VAV2: variants seen among roughly 807,000 people sequenced by gnomAD.
VAV2 encodes vav guanine nucleotide exchange factor 2, also known as guanine nucleotide exchange factor VAV2.
In VAV2, 67 loss-of-function variants were observed where a neutral mutation model predicts 132.5. The observed-to-expected ratio is 0.51, with a 90% CI of 0.42 to 0.62. VAV2 has a LOEUF of 0.62. VAV2 is among the 20% of genes least tolerant of loss of function. The probability of loss-of-function intolerance (pLI) is 0.00; values close to 1 mark genes in which losing one functional copy is unlikely to be tolerated. For missense variants in VAV2, 938 were observed against 1,153.6 expected, an observed-to-expected ratio of 0.81 and a Z score of 2.71; for synonymous variants, 492 against 443.5, an observed-to-expected ratio of 1.11 and a Z score of -1.37.
At chr9:133,842,220 A>C (rs549539826) in intron 3 of VAV2, among the ~76,000 whole-genome samples, 1 of 152,302 alleles carries the variant, frequency 6.6e-6, no homozygotes, top group African/African-American at 2.4e-5. Flanking sequence ...ACAGTCCCTA[A>C]TGCCTCCACT....
chr9:133,976,818 T>G (rs1262678638), intron 1 of VAV2, among the ~76,000 whole-genome samples: 1 of 152,244 alleles, frequency 6.6e-6, no homozygotes, highest in Non-Finnish European at 1.5e-5. Context: ...ATGGACGGAC[T>G]CTGTGTGGAT....
At chr9:133,827,504 G>A (rs149320509) in intron 4 of VAV2, among the ~76,000 whole-genome samples, 1,988 of 5,352 alleles carry the variant, frequency 0.37, 906 homozygotes, top group Non-Finnish European at 0.76. Flanking sequence ...GGCATCGCCA[G>A]CTACTGCTGT....
intron 12 of VAV2, among the ~76,000 whole-genome samples, chr9:133,792,739 C>T (rs1834548099): frequency 6.9e-6 from 1 of 144,280 alleles, no homozygotes. Context: ...CTTCTTCCTC[C>T]ATCCTGCCGG....
chr9:133,934,736 AC>A (rs1840840594), intron 2 of VAV2, among the ~76,000 whole-genome samples: 1 of 152,012 alleles, frequency 6.6e-6, no homozygotes, highest in Non-Finnish European at 1.5e-5. Context: ...AAGCCCTGTC[AC>A]CCCCGTTCCT....
intron 4 of VAV2, among the ~76,000 whole-genome samples, chr9:133,815,534 A>G (rs1835522999): frequency 6.6e-6 from 1 of 152,136 alleles, no homozygotes; most frequent in Non-Finnish European, 1.5e-5. Context: ...TAGAATGTCA[A>G]CGGTGTTGTG....
At position 133,900,766 on chromosome 9, in the gene VAV2, GATTTATTTATTTATTT is replaced by G. The variant is rs10538806; in HGVS notation, c.321+38321_321+38336del. 8.3e-3 allele frequency among the ~76,000 whole-genome samples: 1,211 copies of G among 145,602 alleles called. 16 individuals are homozygous for G. Among genetic ancestry groups the G allele is most frequent in the South Asian group, 0.016 (72 of 4,440 alleles). ...AATTAATCAATCTACCTCCTGTCTT[GATTTATTTATTTATTT>G]ATTTATTTATTTATTTATTTATTTA... is the stretch of plus-strand genomic sequence containing the variant. On this transcript the variant is annotated intron_variant, in intron 2 of 29. Transcript: ENST00000371850.
rs1275362840 is a variant in VAV2, at chr9:133,884,226, G to A, written c.322-22794C>T. Among the ~76,000 whole-genome samples, 5 of 151,908 alleles carry A rather than the reference G, an allele frequency of 3.3e-5. No individual in the cohort carries two copies. The highest frequency in any genetic ancestry group is 4.2e-4 in the South Asian group (2 of 4,816). On this transcript the variant is annotated intron_variant, in intron 2 of 29. Transcript: ENST00000371850. This position sits in a 1 kb window ranked among gnomAD's most constrained non-coding sequence, Gnocchi z 5.3. ...AAAATAAATGGTAACCAACCCCCAC[G>A]TGCACACGTGCAATGAAGCCACCTA...
chr9:133,861,403 C>T lies in VAV2; in HGVS notation c.351G>A (p.Leu117=). The T allele has an allele frequency of 5.6e-6, 9 of 1,613,532 alleles. No homozygotes were observed. The highest frequency in any genetic ancestry group is 7.6e-6 in the Non-Finnish European group (9 of 1,179,842). The stretch of plus-strand genomic sequence containing the variant: ...TCCCTTTGTTCTGCGCGATGCTGTG[C>T]AGGGAGAGCCTCGACACCGCGGAGA... The part of the protein sequence containing the change: ...KVISAVSRLS[L]HSIAQNKGIR... Residue 117 remains leucine, a synonymous_variant, in exon 3 of 30, where the codon CTG becomes CTA. Coordinates refer to ENST00000371850, the MANE Select transcript of VAV2 (RefSeq NM_001134398.2).
At position 133,961,568 on chromosome 9, in the gene VAV2, G is replaced by A. The variant is rs754422517; in HGVS notation, c.205-22349C>T. On this transcript the variant is annotated intron_variant, in intron 1 of 29. Transcript: ENST00000371850. This position sits in a 1 kb window ranked among gnomAD's most constrained non-coding sequence, Gnocchi z 4.1. ...GAACACAGCTGCTTCACCTCTCTGGGGTCTATAATGCCCTCTGACCTCACA... is the reference window on the plus strand; with the variant it reads ...GAACACAGCTGCTTCACCTCTCTGGAGTCTATAATGCCCTCTGACCTCACA... Among the ~76,000 whole-genome samples the A allele has an allele frequency of 6.6e-5, 10 of 152,182 alleles. No homozygotes were observed. The highest frequency in any genetic ancestry group is 1.2e-4 in the Non-Finnish European group (8 of 68,030).
At chr9:133,819,390 A>G (rs1378995920) in intron 4 of VAV2, among the ~76,000 whole-genome samples, 1 of 151,594 alleles carries the variant, frequency 6.6e-6, no homozygotes, top group Non-Finnish European at 1.5e-5. Context: ...TGGAGTTTGC[A>G]GAGAGCCGAG....
Position 133,926,380 on chromosome 9 carries a change from C to A in VAV2, c.321+12723G>T, listed in dbSNP as rs1282499971. On this transcript the variant is annotated intron_variant, in intron 2 of 29. Transcript: ENST00000371850. The surrounding 1 kb of genome is among the most constrained non-coding windows in gnomAD (Gnocchi z 4.3). ...GCATCACTCCCCAGGGCGCCAGCCCCCGGCAGCCCAGCAGGTGCTAAGTTA... is the reference window on the plus strand; with the variant it reads ...GCATCACTCCCCAGGGCGCCAGCCCACGGCAGCCCAGCAGGTGCTAAGTTA... 1 of 152,366 alleles carries A rather than the reference C, an allele frequency of 6.6e-6. No homozygotes were observed. The highest frequency in any genetic ancestry group is 1.5e-5 in the Non-Finnish European group (1 of 68,158). 9.4% of individuals were successfully genotyped at this position (152,366 alleles called of 1,614,324 possible).
Position 133,834,350 on chromosome 9 carries a change from A to G in VAV2, c.381-10T>C, listed in dbSNP as rs746135777. ...CTCTGAGGGAAAAGGCCTGCGGAAG[A>G]GAAGGCGAGAGGGAGGTGAGCAGGT... On this transcript the variant is annotated splice_polypyrimidine_tract_variant and intron_variant, in intron 3 of 29. Coordinates refer to ENST00000371850, the MANE Select transcript of VAV2 (RefSeq NM_001134398.2). This position sits in a 1 kb window ranked among gnomAD's most constrained non-coding sequence, Gnocchi z 5.9. The G allele has an allele frequency of 1.2e-6, 2 of 1,610,524 alleles. No individual in the cohort carries two copies. The highest frequency in any genetic ancestry group is 1.3e-5 in the African/African-American group (1 of 74,872).
At chr9:133,896,816 C>T (rs10993843) in intron 2 of VAV2, among the ~76,000 whole-genome samples, 25,796 of 152,144 alleles carry the variant, frequency 0.17, 2,443 homozygotes, top group African/African-American at 0.24. Context: ...TCCAACCAGG[C>T]GGGTACAGTG....
At chr9:133,764,281 C>T (rs1833363137) in intron 29 of VAV2, among the ~76,000 whole-genome samples, 172 bp from the exon 30 acceptor site, 1 of 151,992 alleles carries the variant, frequency 6.6e-6, no homozygotes, top group Non-Finnish European at 1.5e-5. Context: ...GTAAGAGCAA[C>T]CCAGAAAAAC....
In VAV2 at chr9:133,783,459, G is replaced by C. The variant is rs368801080; in HGVS notation, c.1723+44C>G. 32 of 1,577,824 alleles carry C rather than the reference G, an allele frequency of 2.0e-5. No individual in the cohort carries two copies. In the Admixed American group the frequency reaches 5.1e-4, roughly 25 times the overall value. The stretch of plus-strand genomic sequence containing the variant: ...AGGTGGTAGGGGGCAGAAGTGAGCA[G>C]GCGTGGCCAGGGACTGGGGTGGGGG... On this transcript the variant is annotated intron_variant, in intron 19 of 29. Transcript: ENST00000371850.
At chr9:133,953,066 G>A (rs1224507524) in intron 1 of VAV2, among the ~76,000 whole-genome samples, 1 of 151,014 alleles carries the variant, frequency 6.6e-6, no homozygotes, top group African/African-American at 2.4e-5. Context: ...GAGGGAGCAC[G>A]GCCCCACTGA....
intron 9 of VAV2, among the ~76,000 whole-genome samples, chr9:133,798,447 C>A (rs1432344254): frequency 6.6e-6 from 1 of 152,204 alleles, no homozygotes; most frequent in Non-Finnish European, 1.5e-5. Flanking sequence ...GCCCCAGCAT[C>A]GCTCTCTCCC....
chr9:133,809,764 C>T (rs1835291050), intron 6 of VAV2, among the ~76,000 whole-genome samples: 1 of 152,218 alleles, frequency 6.6e-6, no homozygotes, highest in African/African-American at 2.4e-5. Flanking sequence ...TTAGAGATTG[C>T]CTGGCCCATG....
chr9:133,853,923 G>T (rs10993826), intron 3 of VAV2, among the ~76,000 whole-genome samples: 16,980 of 152,158 alleles, frequency 0.11, 1,111 homozygotes, highest in South Asian at 0.16. Context: ...ACTCAACTGT[G>T]GGAGATACTG....
Sources: gnomAD v4.1 joint callset for allele counts (sites outside exome capture counted in the v4.1 genomes callset) on GRCh38, gnomAD v4.1.1 for gene constraint, Gnocchi (gnomAD v3.1) non-coding constraint, MANE v1.5 for transcripts, NCBI Gene and HGNC (gene_info 2026-07-23, HGNC 2026-07-21) for gene names.